The following CCSER1 variants were observed in gnomAD, a reference collection of about 807,000 sequenced individuals.
CCSER1 encodes coiled-coil serine rich protein 1, also known as serine-rich coiled-coil domain-containing protein 1.
In CCSER1, 41 loss-of-function variants were observed where a neutral mutation model predicts 82.0. The ratio of observed to expected loss-of-function variants is 0.50; its 90% CI spans 0.39 to 0.65. The LOEUF is 0.65. Among genes scored for constraint, CCSER1 ranks in the 30% least tolerant of loss-of-function variants. CCSER1 has a pLI of 0.00. For synonymous variants in CCSER1, 414 were observed against 383.9 expected, an observed-to-expected ratio of 1.08 and a Z score of -0.92; for missense variants, 1,119 against 1,064.2, an observed-to-expected ratio of 1.05 and a Z score of -0.72.
Position 91,029,959 on chromosome 4 carries a change from C to T in CCSER1, c.2173-55991C>T, listed in dbSNP as rs1023480038. Among the ~76,000 whole-genome samples, 16 of 152,010 alleles carry T rather than the reference C, an allele frequency of 1.1e-4. No homozygotes were observed. The East Asian group carries it at 3.1e-3, about 29-fold the overall frequency. On this transcript the variant is annotated intron_variant, in intron 9 of 10. Transcript: ENST00000509176. ...TAGCTTTATATTGATTGATTCATTGCCTTCTGCAATATTTACTGTATTTTT... is the reference window on the plus strand; with the variant it reads ...TAGCTTTATATTGATTGATTCATTGTCTTCTGCAATATTTACTGTATTTTT...
At chr4:91,573,857 T>C (rs1207316824) in intron 10 of CCSER1, among the ~76,000 whole-genome samples, 1 of 152,096 alleles carries the variant, frequency 6.6e-6, no homozygotes, top group Non-Finnish European at 1.5e-5. Flanking sequence ...TCTGTTTTTA[T>C]ACACTAACAA....
chr4:90,377,832 T>G (rs1484463704), intron 3 of CCSER1, among the ~76,000 whole-genome samples: 1 of 152,114 alleles, frequency 6.6e-6, no homozygotes, highest in Non-Finnish European at 1.5e-5. Context: ...ATTAGATAAA[T>G]TAACTGTGGG....
intron 5 of CCSER1, among the ~76,000 whole-genome samples, chr4:90,482,701 C>G (rs953099960): frequency 2.0e-5 from 3 of 152,118 alleles, no homozygotes; most frequent in African/African-American, 7.2e-5. Flanking sequence ...TTTCTTAATC[C>G]TGAGTTCTAG....
intron 10 of CCSER1, among the ~76,000 whole-genome samples, chr4:91,278,344 T>G (rs1189103347): frequency 1.3e-5 from 2 of 152,134 alleles, no homozygotes; most frequent in African/African-American, 4.8e-5. Flanking sequence ...AATGTTTGCT[T>G]TATGTATCTG....
intron 5 of CCSER1, among the ~76,000 whole-genome samples, chr4:90,478,747 T>A (rs1237633895): frequency 2.7e-5 from 4 of 150,910 alleles, no homozygotes; most frequent in African/African-American, 7.3e-5. Flanking sequence ...TTTTTTTTTT[T>A]TTATTTTTTT....
chr4:90,378,290 T>G (rs955698985), intron 3 of CCSER1, among the ~76,000 whole-genome samples: 2 of 152,172 alleles, frequency 1.3e-5, no homozygotes. Context: ...ACTTGTAAAA[T>G]ACTTTATAGT....
At chr4:90,302,709 A>G (rs1733391240) in intron 1 of CCSER1, among the ~76,000 whole-genome samples, 1 of 152,142 alleles carries the variant, frequency 6.6e-6, no homozygotes, top group South Asian at 2.1e-4. Context: ...AGGCTGAGGT[A>G]GAAGGATGGC....
intron 1 of CCSER1, among the ~76,000 whole-genome samples, chr4:90,239,188 G>C (rs1384423647): frequency 6.6e-6 from 1 of 152,080 alleles, no homozygotes; most frequent in Non-Finnish European, 1.5e-5. Context: ...TTTTTGAGTA[G>C]TTGTTTAACA....
intron 10 of CCSER1, among the ~76,000 whole-genome samples, chr4:91,577,303 G>A (rs559873234): frequency 9.9e-5 from 15 of 151,898 alleles, no homozygotes; most frequent in Non-Finnish European, 2.2e-4. Context: ...AAAGATATAT[G>A]ATACTTGAAA....
chr4:90,567,013 T>TAAA (rs34691316), intron 5 of CCSER1, among the ~76,000 whole-genome samples: 2 of 116,082 alleles, frequency 1.7e-5, no homozygotes, highest in Admixed American at 7.6e-5. Context: ...TTTGCTTACT[T>TAAA]AAAAAAAAAA....
intron 6 of CCSER1, among the ~76,000 whole-genome samples, chr4:90,684,048 ATTGAG>A (rs1460251624): frequency 1.3e-5 from 2 of 152,144 alleles, no homozygotes; most frequent in Non-Finnish European, 2.9e-5. Context: ...TCTGAGGTTG[ATTGAG>A]TTGTGTTTTG....
intron 1 of CCSER1, among the ~76,000 whole-genome samples, chr4:90,179,371 A>G (rs1578350979): frequency 6.6e-6 from 1 of 152,220 alleles, no homozygotes; most frequent in East Asian, 1.9e-4. Flanking sequence ...TGTGCAAGAT[A>G]TTTTCCGAAG....
intron 1 of CCSER1, among the ~76,000 whole-genome samples, chr4:90,289,826 A>G (rs1730587063): frequency 6.6e-6 from 1 of 151,840 alleles, no homozygotes; most frequent in Non-Finnish European, 1.5e-5. Context: ...TAAGCCCTCA[A>G]CTTCTTTAGT....
intron 10 of CCSER1, among the ~76,000 whole-genome samples, chr4:91,416,005 CA>C (rs2149377600): frequency 6.6e-6 from 1 of 152,184 alleles, no homozygotes; most frequent in East Asian, 1.9e-4. Context: ...TGGTAGAATT[CA>C]GCTGTAAATC....
At chr4:90,823,645 G>A (rs62311063) in intron 8 of CCSER1, among the ~76,000 whole-genome samples, 8 of 151,842 alleles carry the variant, frequency 5.3e-5, no homozygotes, top group African/African-American at 9.7e-5. Context: ...TGTGTGAACC[G>A]TGAGCTCTCT....
chr4:90,776,783 C>T (rs1299686939), intron 7 of CCSER1, among the ~76,000 whole-genome samples: 1 of 152,118 alleles, frequency 6.6e-6, no homozygotes, highest in Admixed American at 6.5e-5. Context: ...GAGATTTGAG[C>T]AATTTGAGAA....
chr4:91,453,586 A>G (rs997591048), intron 10 of CCSER1, among the ~76,000 whole-genome samples: 1 of 152,054 alleles, frequency 6.6e-6, no homozygotes, highest in African/African-American at 2.4e-5. Context: ...AGCATGTAAA[A>G]TCAATGATGT....
At chr4:90,530,325 G>T (rs1468904688) in intron 5 of CCSER1, among the ~76,000 whole-genome samples, 2 of 152,166 alleles carry the variant, frequency 1.3e-5, no homozygotes, top group Non-Finnish European at 2.9e-5. Flanking sequence ...AACTGATATT[G>T]GTGGGCAAGG....
chr4:90,697,837 T>G (rs532036364), intron 6 of CCSER1, among the ~76,000 whole-genome samples: 6 of 152,264 alleles, frequency 3.9e-5, no homozygotes, highest in South Asian at 2.1e-4. Context: ...AAGTGTAATA[T>G]CCATAGGGAG....
Sources: allele counts gnomAD v4.1 joint callset (sites outside exome capture counted in the v4.1 genomes callset), GRCh38; gene constraint gnomAD v4.1.1; transcripts MANE v1.5; gene names NCBI Gene and HGNC (gene_info 2026-07-23, HGNC 2026-07-21).